Variants in TENM4 observed in about 807,000 individuals in gnomAD.
The protein encoded by TENM4 is teneurin-4.
Under a neutral mutation model 243.3 loss-of-function variants are expected in TENM4, and 82 were observed. That is an observed-to-expected ratio of 0.34 (90% CI 0.28 to 0.40). The LOEUF (loss-of-function observed/expected upper bound fraction) is 0.40. TENM4 is among the 10% of genes least tolerant of loss of function. The pLI is 1.00. For missense variants in TENM4, 3,138 were observed against 3,673.3 expected (o/e 0.85, Z 3.77); for synonymous variants, 1,412 against 1,456.3 (o/e 0.97, Z 0.69).
intron 1 of TENM4, among the ~76,000 whole-genome samples, chr11:79,374,201 A>G (rs1394223641): frequency 6.6e-6 from 1 of 152,190 alleles, no homozygotes; most frequent in Non-Finnish European, 1.5e-5. Flanking sequence ...TGCTATGACC[A>G]CAATGACCCC....
In TENM4 at chr11:78,751,069, C is replaced by T. The variant is rs571474575; in HGVS notation, c.2756+5736G>A. On this transcript the variant is annotated intron_variant, in intron 19 of 33. Transcript: ENST00000278550. ...TAATTTTTTGTATTTTTCATAGAGA[C>T]GGGGTTTTGCCACATTGCCCAGGCT... Among the ~76,000 whole-genome samples, 15 of 152,166 alleles carry T rather than the reference C, an allele frequency of 9.9e-5. No individual in the cohort carries two copies. The East Asian group carries it at 2.3e-3, about 24-fold the overall frequency.
intron 6 of TENM4, among the ~76,000 whole-genome samples, chr11:78,923,688 C>T (rs896221097): frequency 2.1e-5 from 2 of 97,000 alleles, no homozygotes; most frequent in East Asian, 3.0e-4. Flanking sequence ...CAGGCATGCA[C>T]CTGGCTTTTT....
chr11:79,330,957 GC>G (rs770976431), intron 1 of TENM4, among the ~76,000 whole-genome samples: 13 of 152,180 alleles, frequency 8.5e-5, no homozygotes, highest in Non-Finnish European at 1.3e-4. Flanking sequence ...ACCAAGATCT[GC>G]AGATGAAACA....
rs140578850 is a variant in TENM4, at chr11:79,317,468, A to T, written c.-320-19925T>A. ...TCCTCGGAACCCTAAGTTAGTTGTC[A>T]TGATGCTTGATATGATGAGCAGAGT... On this transcript the variant is annotated intron_variant, in intron 1 of 33. Coordinates refer to ENST00000278550, the MANE Select transcript of TENM4 (RefSeq NM_001098816.3). Among the ~76,000 whole-genome samples the T allele has an allele frequency of 8.9e-3, 1,362 of 152,278 alleles. 19 individuals are homozygous for T. The highest frequency in any genetic ancestry group is 0.031 in the African/African-American group (1,280 of 41,552).
chr11:79,320,188 T>G (rs1333531967), intron 1 of TENM4, among the ~76,000 whole-genome samples: 1 of 152,232 alleles, frequency 6.6e-6, no homozygotes, highest in South Asian at 2.1e-4. Context: ...GCGTTTGCAC[T>G]CAGTGTTTAC....
intron 6 of TENM4, among the ~76,000 whole-genome samples, chr11:78,990,101 C>G (rs1858006666): frequency 6.6e-6 from 1 of 151,514 alleles, no homozygotes; most frequent in African/African-American, 2.4e-5. Flanking sequence ...TTTTGGCCTC[C>G]TTTATTGGGT....
At chr11:79,354,675 C>T (rs916464874) in intron 1 of TENM4, among the ~76,000 whole-genome samples, 6 of 152,136 alleles carry the variant, frequency 3.9e-5, no homozygotes, top group African/African-American at 1.2e-4. Context: ...AATACAGTAG[C>T]TTCAGAGGAT....
intron 12 of TENM4, among the ~76,000 whole-genome samples, chr11:78,848,699 C>T (rs538195131): frequency 2.8e-4 from 42 of 152,044 alleles, no homozygotes; most frequent in Non-Finnish European, 5.1e-4. Flanking sequence ...AGCTGTTTAC[C>T]GTATAAATCT....
chr11:79,409,112 G>T (rs909623602), intron 1 of TENM4, among the ~76,000 whole-genome samples: 1 of 144,136 alleles, frequency 6.9e-6, no homozygotes, highest in African/African-American at 2.7e-5. Flanking sequence ...GCGCGCGCGC[G>T]CGTGCGTGCA....
intron 6 of TENM4, among the ~76,000 whole-genome samples, chr11:78,971,457 C>T (rs1437141882): frequency 6.6e-6 from 1 of 152,044 alleles, no homozygotes; most frequent in Non-Finnish European, 1.5e-5. Flanking sequence ...CACGCGCCAC[C>T]ATGCCTAGCT....
At chr11:78,905,521 C>T (rs184075222) in intron 6 of TENM4, among the ~76,000 whole-genome samples, 8 of 152,282 alleles carry the variant, frequency 5.3e-5, no homozygotes, top group Admixed American at 1.3e-4. Flanking sequence ...CAAAACCCTC[C>T]GGAATCCGAT....
chr11:79,276,611 C>A (rs1291463236), intron 2 of TENM4, among the ~76,000 whole-genome samples: 8 of 152,160 alleles, frequency 5.3e-5, no homozygotes, highest in African/African-American at 1.9e-4. Flanking sequence ...GAAGACACAG[C>A]CAGAAACATG....
chr11:78,921,900 A>G (rs1856456222), intron 6 of TENM4, among the ~76,000 whole-genome samples: 1 of 152,222 alleles, frequency 6.6e-6, no homozygotes, highest in South Asian at 2.1e-4. Flanking sequence ...GTCCAAGATC[A>G]TGTGATAGGC....
At chr11:79,282,612 G>A (rs1856176281) in intron 2 of TENM4, among the ~76,000 whole-genome samples, 1 of 152,064 alleles carries the variant, frequency 6.6e-6, no homozygotes. Flanking sequence ...TGATTCTTTT[G>A]TTAACCTGAA....
intron 23 of TENM4, among the ~76,000 whole-genome samples, chr11:78,725,391 G>A (rs1855488066): frequency 6.6e-6 from 1 of 152,136 alleles, no homozygotes; most frequent in African/African-American, 2.4e-5. Flanking sequence ...TCCCATCCCG[G>A]CTCATGGTCA....
intron 12 of TENM4, among the ~76,000 whole-genome samples, chr11:78,817,628 T>G (rs566342937): frequency 6.6e-6 from 1 of 152,372 alleles, no homozygotes; most frequent in African/African-American, 2.4e-5. Flanking sequence ...AATATTCTTT[T>G]AAAAAATTAA....
intron 6 of TENM4, among the ~76,000 whole-genome samples, chr11:79,002,243 C>T (rs1242277404): frequency 6.6e-6 from 1 of 152,242 alleles, no homozygotes; most frequent in Non-Finnish European, 1.5e-5. Flanking sequence ...CTCACTCCTG[C>T]CAGTGCAAAT....
chr11:78,918,607 A>C (rs910926017), intron 6 of TENM4, among the ~76,000 whole-genome samples: 1 of 152,188 alleles, frequency 6.6e-6, no homozygotes, highest in African/African-American at 2.4e-5. Context: ...GGGCATCCTG[A>C]AGAAAATGTC....
At chr11:78,807,669 G>A (rs548664942) in intron 14 of TENM4, among the ~76,000 whole-genome samples, 7 of 152,260 alleles carry the variant, frequency 4.6e-5, no homozygotes, top group Non-Finnish European at 1.0e-4. Context: ...AATTGTTAGG[G>A]GACGGTGGTA....
Sources: gnomAD v4.1 joint callset for allele counts (sites outside exome capture counted in the v4.1 genomes callset) on GRCh38, gnomAD v4.1.1 for gene constraint, MANE v1.5 for transcripts, NCBI Gene and HGNC (gene_info 2026-07-23, HGNC 2026-07-21) for gene names.